TPRG1: variants seen among roughly 807,000 people sequenced by gnomAD.
TPRG1 encodes the protein tumor protein p63 regulated 1, also known as tumor protein p63-regulated gene 1 protein.
A neutral mutation model predicts 29.3 loss-of-function variants in TPRG1; 29 were observed. The observed-to-expected ratio is 0.99, with a 90% confidence interval of 0.74 to 1.35. The LOEUF (loss-of-function observed/expected upper bound fraction) is 1.35. Ranked by LOEUF, TPRG1 falls within the 40% of genes most tolerant of loss-of-function variation. TPRG1 has a pLI of 0.00. For synonymous variants in TPRG1, 130 were observed against 116.8 expected (o/e 1.11, Z -0.73); for missense variants, 327 against 335.0 (o/e 0.98, Z 0.19).
At chr3:189,317,275 A>G (rs1242974505) in intron 5 of TPRG1, among the ~76,000 whole-genome samples, 1 of 152,180 alleles carries the variant, frequency 6.6e-6, no homozygotes, top group African/African-American at 2.4e-5. Context: ...GATTTTTAAG[A>G]GATCATGGTT....
At position 189,315,507 on chromosome 3, in the gene TPRG1, T is replaced by C. The variant is rs912356466; in HGVS notation, c.633+4968T>C. ...GGTTCCTACAGTATGCAGAGACTAC[T>C]GCTGGGAAGGATGAGTACTGAACCC... is the stretch of plus-strand genomic sequence containing the variant. On this transcript the variant is annotated intron_variant, in intron 5 of 5. Coordinates refer to ENST00000345063, the MANE Select transcript of TPRG1 (RefSeq NM_198485.4). 14 of 456,092 alleles carry C rather than the reference T, an allele frequency of 3.1e-5. No individual in the cohort carries two copies. In the Admixed American group the frequency reaches 3.3e-4, roughly 11 times the overall value. 28.3% of individuals were successfully genotyped at this position (456,092 alleles called of 1,614,324 possible).
intron 4 of TPRG1, among the ~76,000 whole-genome samples, chr3:189,243,598 GT>G (rs60522314): frequency 0.038 from 5,819 of 151,454 alleles, 220 homozygotes; most frequent in African/African-American, 0.097. Context: ...CTTTTATGCT[GT>G]TTCTTCTTTA....
At chr3:189,098,355 T>G (rs569231921), upstream of TPRG1, among the ~76,000 whole-genome samples, 1 of 152,332 alleles carries the variant, frequency 6.6e-6, no homozygotes, top group East Asian at 1.9e-4. Context: ...TGATGTCATC[T>G]GCTAGAAAGG....
At chr3:189,063,690 T>G (rs1481861818) in intron 4 of TPRG1, among the ~76,000 whole-genome samples, 1 of 152,136 alleles carries the variant, frequency 6.6e-6, no homozygotes, top group African/African-American at 2.4e-5. Context: ...TCAAAGGACA[T>G]TTAATACATA....
At chr3:189,038,602 A>G (rs564956032) in intron 4 of TPRG1, among the ~76,000 whole-genome samples, 2 of 152,248 alleles carry the variant, frequency 1.3e-5, no homozygotes, top group South Asian at 2.1e-4. Flanking sequence ...TAAAAGTATA[A>G]TGGGAAAAAA....
chr3:189,017,006 C>T lies in TPRG1; in HGVS notation c.-659-6744C>T, dbSNP rs1712970313. ...TGTCTAACTGGGTTGGGGAAGTGCTCCTGGATGATATCCTGAAATATGTTT... is the reference window on the plus strand; with the variant it reads ...TGTCTAACTGGGTTGGGGAAGTGCTTCTGGATGATATCCTGAAATATGTTT... On this transcript the variant is annotated intron_variant, in intron 3 of 10. Coordinates refer to the TPRG1 transcript ENST00000433971. 4.6e-5 allele frequency among the ~76,000 whole-genome samples: 7 copies of T among 152,200 alleles called. No individual in the cohort carries two copies. The South Asian group carries it at 1.2e-3, about 27-fold the overall frequency.
intron 4 of TPRG1, among the ~76,000 whole-genome samples, chr3:189,267,403 A>T (rs1714295416): frequency 6.6e-6 from 1 of 152,326 alleles, no homozygotes; most frequent in Admixed American, 6.5e-5. Context: ...TTGGGAACTA[A>T]GAGGGTAAAT....
At chr3:189,150,435 C>T (rs938482278) in intron 4 of TPRG1, among the ~76,000 whole-genome samples, 1 of 152,192 alleles carries the variant, frequency 6.6e-6, no homozygotes, top group African/African-American at 2.4e-5. Context: ...CCCGCCTCGG[C>T]CTCCCAAAGT....
intron 4 of TPRG1, among the ~76,000 whole-genome samples, chr3:189,073,229 A>G (rs1322927058): frequency 6.6e-6 from 1 of 152,086 alleles, no homozygotes; most frequent in African/African-American, 2.4e-5. Context: ...ATGCATCCCA[A>G]CCTTACAGGG....
intron 4 of TPRG1, among the ~76,000 whole-genome samples, chr3:189,241,677 A>G (rs1017929859): frequency 3.3e-5 from 5 of 152,122 alleles, no homozygotes; most frequent in Non-Finnish European, 7.4e-5. Flanking sequence ...ATGTTGTGGG[A>G]GGGACCCATG....
intron 1 of TPRG1, among the ~76,000 whole-genome samples, chr3:189,125,896 T>A (rs1047018364): frequency 1.3e-5 from 2 of 151,258 alleles, no homozygotes; most frequent in African/African-American, 4.9e-5. Context: ...TTTTATTTTT[T>A]AAAATGTCTT....
At chr3:189,014,342 C>G (rs1334121837) in intron 3 of TPRG1, among the ~76,000 whole-genome samples, 1 of 152,076 alleles carries the variant, frequency 6.6e-6, no homozygotes, top group East Asian at 1.9e-4. Flanking sequence ...GGCCCCCTAT[C>G]TCTTCTGGCT....
chr3:189,132,274 A>G (rs1723190235), intron 2 of TPRG1: 1 of 152,190 alleles, frequency 6.6e-6, no homozygotes, highest in South Asian at 2.1e-4. Flanking sequence ...GGAATATTCA[A>G]TCAAGGAGAA....
intron 1 of TPRG1, among the ~76,000 whole-genome samples, chr3:189,188,210 C>G (rs950731814): frequency 2.6e-5 from 4 of 152,186 alleles, no homozygotes; most frequent in Non-Finnish European, 5.9e-5. Context: ...TCAGAAAATT[C>G]ATTCGAGAGT....
At chr3:189,125,200 A>C (rs565405695) in intron 1 of TPRG1, among the ~76,000 whole-genome samples, 1 of 152,306 alleles carries the variant, frequency 6.6e-6, no homozygotes, top group East Asian at 1.9e-4. Context: ...TGGAAGGGAA[A>C]CCTGTATTAT....
chr3:189,071,408 T>TAC lies in TPRG1; in HGVS notation c.-463+47480_-463+47481dup, dbSNP rs140146383. Among the ~76,000 whole-genome samples, 1,085 of 151,378 alleles carry TAC rather than the reference T, an allele frequency of 7.2e-3. 8 individuals are homozygous for TAC. Among genetic ancestry groups the TAC allele is most frequent in the Middle Eastern group, 0.021 (6 of 290 alleles). On this transcript the variant is annotated intron_variant, in intron 4 of 10. Coordinates refer to the TPRG1 transcript ENST00000433971. ...TTTATACTTAGTAGTGTATGAGTTT[T>TAC]ACACACACACACACACACAAAGTAG...
chr3:189,130,702 C>T (rs1723013576), intron 2 of TPRG1, among the ~76,000 whole-genome samples: 1 of 152,156 alleles, frequency 6.6e-6, no homozygotes, highest in African/African-American at 2.4e-5. Flanking sequence ...CTGCTTAGGA[C>T]ACACTCATAA....
At chr3:189,164,793 T>C (rs1234291714) in intron 5 of TPRG1, among the ~76,000 whole-genome samples, 1 of 152,130 alleles carries the variant, frequency 6.6e-6, no homozygotes, top group Non-Finnish European at 1.5e-5. Flanking sequence ...TGACATCCTC[T>C]GAAAACGGAT....
chr3:189,301,570 AT>A (rs71878313), intron 4 of TPRG1, among the ~76,000 whole-genome samples: 1 of 151,718 alleles, frequency 6.6e-6, no homozygotes, highest in Non-Finnish European at 1.5e-5. Flanking sequence ...GTTTTCCTCC[AT>A]TTTTTTTCTT....
Sources: allele counts gnomAD v4.1 joint callset (sites outside exome capture counted in the v4.1 genomes callset), GRCh38; gene constraint gnomAD v4.1.1; transcripts MANE v1.5; gene names NCBI Gene and HGNC (gene_info 2026-07-23, HGNC 2026-07-21).